The following DNAJB5 variants were observed in gnomAD, a reference collection of about 807,000 sequenced individuals.
DNAJB5 encodes the protein dnaJ homolog subfamily B member 5.
DNAJB5 carries 12 observed loss-of-function variants against 32.6 expected under a neutral mutation model. The observed-to-expected ratio is 0.37, with a 90% confidence interval of 0.24 to 0.60. DNAJB5 has a LOEUF of 0.60. Ranked by LOEUF, DNAJB5 falls within the 20% of genes least tolerant of loss-of-function variation. The pLI, the probability that DNAJB5 is intolerant of heterozygous loss-of-function variation, is 0.71. For missense variants in DNAJB5, 358 were observed against 554.2 expected (o/e 0.65, Z 3.55); for synonymous variants, 188 against 212.9 (o/e 0.88, Z 1.02).
At position 34,990,176 on chromosome 9, in the gene DNAJB5, C is replaced by A; in HGVS notation, c.-132-323C>A. 1 of 1,121,950 alleles carries A rather than the reference C, an allele frequency of 8.9e-7. No individual in the cohort carries two copies. The allele number at this position is 1,121,950 out of a possible 1,614,324, so 69.5% of individuals were successfully genotyped here. The stretch of plus-strand genomic sequence containing the variant: ...CGAGCCCCCTCCCCTCCTCTCCTCG[C>A]CGCGCCTTTTGTCCCGGCCGAGCTC... On this transcript the variant is annotated intron_variant, in intron 1 of 4. Coordinates refer to ENST00000682809, the MANE Select transcript of DNAJB5 (RefSeq NM_001349723.3). The surrounding 1 kb of genome is among the most constrained non-coding windows in gnomAD (Gnocchi z 4.5).
intron 2 of DNAJB5, chr9:34,991,672 C>T (rs965950037): frequency 8.7e-6 from 2 of 231,144 alleles, no homozygotes; most frequent in African/African-American, 5.6e-5. Context: ...ACGGTTGCCC[C>T]CCCCCCCAAC....
intron 2 of DNAJB5, chr9:34,991,831 G>T: frequency 5.2e-6 from 1 of 191,148 alleles, no homozygotes; most frequent in Non-Finnish European, 1.1e-5. Context: ...AGAACCATGA[G>T]TCAACCCAGC....
chr9:34,995,131 C>T (rs1440773297), intron 3 of DNAJB5, among the ~76,000 whole-genome samples: 3 of 152,126 alleles, frequency 2.0e-5, no homozygotes, highest in Non-Finnish European at 4.4e-5. Context: ...GAAGAGGCAG[C>T]TGCCACAAGT....
intron 3 of DNAJB5, among the ~76,000 whole-genome samples, chr9:34,995,850 C>T (rs146664427): frequency 2.0e-5 from 3 of 152,304 alleles, no homozygotes; most frequent in East Asian, 3.9e-4. Context: ...CTGATGGCCC[C>T]TTGTCCTATA....
chr9:34,993,761 G>A lies in DNAJB5; in HGVS notation c.427+317G>A, dbSNP rs1239781226. Among the ~76,000 whole-genome samples, 1 of 152,154 alleles carries A rather than the reference G, an allele frequency of 6.6e-6. No homozygotes were observed. Among genetic ancestry groups the A allele is most frequent in the East Asian group, 1.9e-4 (1 of 5,202 alleles). On this transcript the variant is annotated intron_variant, in intron 3 of 4. Transcript: ENST00000682809. This position sits in a 1 kb window ranked among gnomAD's most constrained non-coding sequence, Gnocchi z 4.7. ...TGCCTGAAGTCTCCGCTGCTTCATT[G>A]GCTGATGAGGAAGGTTGGGGAGAGG...
intron 2 of DNAJB5, chr9:34,992,819 C>T (rs1164553605): frequency 6.6e-6 from 7 of 1,054,636 alleles, no homozygotes; most frequent in South Asian, 3.3e-5. Context: ...TGACCTCACC[C>T]GTTACACTGA....
rs1434316810 is a variant in DNAJB5 at position 34,990,323 on chromosome 9, G to A, written c.-132-176G>A. The A allele has an allele frequency of 2.7e-6, 4 of 1,455,416 alleles. No individual in the cohort carries two copies. In the South Asian group the frequency reaches 3.6e-5, roughly 13 times the overall value. 90.2% of individuals were successfully genotyped at this position (1,455,416 alleles called of 1,614,324 possible). A position where few individuals can be genotyped will look rare whatever the true frequency, so the allele number is the denominator to read the frequency against. On this transcript the variant is annotated intron_variant, in intron 1 of 4. Transcript: ENST00000682809. The surrounding 1 kb of genome is among the most constrained non-coding windows in gnomAD (Gnocchi z 4.5). ...GCGACAGGAGCTCACTGCCTCTCGG[G>A]CCCTCACAATCACACCTGTCACAGG...
chr9:34,995,236 T>G (rs1223684927), intron 3 of DNAJB5, among the ~76,000 whole-genome samples: 1 of 152,168 alleles, frequency 6.6e-6, no homozygotes, highest in African/African-American at 2.4e-5. Flanking sequence ...CAGATCTCCA[T>G]GATCAGTTGA....
Position 34,989,808 on chromosome 9 carries a change from G to T in DNAJB5, c.-156G>T. 8.1e-7 allele frequency: 1 copy of T among 1,232,260 alleles called. No homozygotes were observed. Among genetic ancestry groups the T allele is most frequent in the Non-Finnish European group, 1.0e-6 (1 of 988,158 alleles). 76.3% of individuals were successfully genotyped at this position (1,232,260 alleles called of 1,614,324 possible). ...GGGCAGCGGCTGTCTCACGGACCAC[G>T]GCGGCGCCCGCAGCTCCTCACCGGT... is the stretch of plus-strand genomic sequence containing the variant. On this transcript the variant is annotated 5_prime_UTR_variant, in exon 1 of 5. Transcript: ENST00000682809.
rs1187259498 is a variant in DNAJB5, at chr9:34,996,908, T to TG, written c.1029+46dup. ...CTGTGTGTGTGTGCTGGGGAGATGGTGGGGACATTCCCTCTCTTCCCGCCA... is the reference window on the plus strand; with the variant it reads ...CTGTGTGTGTGTGCTGGGGAGATGGTGGGGGACATTCCCTCTCTTCCCGCCA... On this transcript the variant is annotated intron_variant, in intron 4 of 4. Coordinates refer to ENST00000682809, the MANE Select transcript of DNAJB5 (RefSeq NM_001349723.3). The surrounding 1 kb of genome is among the most constrained non-coding windows in gnomAD (Gnocchi z 7.2). 5.0e-6 allele frequency: 8 copies of TG among 1,587,192 alleles called. No individual in the cohort carries two copies. Among genetic ancestry groups the TG allele is most frequent in the South Asian group, 1.1e-5 (1 of 87,362 alleles).
chr9:34,993,541 G>A lies in DNAJB5; in HGVS notation c.427+97G>A. The stretch of plus-strand genomic sequence containing the variant: ...GTAGCGGGGAACTGGAGGCTGTGGA[G>A]GGGGTGAGGGCAGCAAGGGTTTCCA... On this transcript the variant is annotated intron_variant, in intron 3 of 4. Coordinates refer to ENST00000682809, the MANE Select transcript of DNAJB5 (RefSeq NM_001349723.3). This position sits in a 1 kb window ranked among gnomAD's most constrained non-coding sequence, Gnocchi z 4.7. 6.7e-7 allele frequency: 1 copy of A among 1,492,130 alleles called. No individual in the cohort carries two copies. The highest frequency in any genetic ancestry group is 1.3e-5 in the South Asian group (1 of 74,208). The allele number at this position is 1,492,130 out of a possible 1,614,324, so 92.4% of individuals were successfully genotyped here.
Position 34,997,590 on chromosome 9 carries a change from T to G in DNAJB5, c.*331T>G. The stretch of plus-strand genomic sequence containing the variant: ...GAGATTCCTTATCCATGCCTGTACA[T>G]AGCATGTCCTCCTCCCCTCAGCTTT... On this transcript the variant is annotated 3_prime_UTR_variant, in exon 5 of 5. Transcript: ENST00000682809. The surrounding 1 kb of genome is among the most constrained non-coding windows in gnomAD (Gnocchi z 4.1). 1 of 415,044 alleles carries G rather than the reference T, an allele frequency of 2.4e-6. No homozygotes were observed. The highest frequency in any genetic ancestry group is 4.6e-6 in the Non-Finnish European group (1 of 217,958). The allele number at this position is 415,044 out of a possible 1,614,324, so 25.7% of individuals were successfully genotyped here. A position where few individuals can be genotyped will look rare whatever the true frequency, so the allele number is the denominator to read the frequency against.
Position 34,993,078 on chromosome 9 carries a change from C to T in DNAJB5, c.183-122C>T. 1 of 1,451,366 alleles carries T rather than the reference C, an allele frequency of 6.9e-7. No individual in the cohort carries two copies. Among genetic ancestry groups the T allele is most frequent in the Admixed American group, 2.8e-5 (1 of 35,346 alleles). 89.9% of individuals were successfully genotyped at this position (1,451,366 alleles called of 1,614,324 possible). ...ATTTTACAGATGGGGGGACGCAGGCCCACAGAACAGGCATGACCTGCTGAA... is the reference window on the plus strand; with the variant it reads ...ATTTTACAGATGGGGGGACGCAGGCTCACAGAACAGGCATGACCTGCTGAA... On this transcript the variant is annotated intron_variant, in intron 2 of 4. Transcript: ENST00000682809. This position sits in a 1 kb window ranked among gnomAD's most constrained non-coding sequence, Gnocchi z 4.7.
Position 34,993,349 on chromosome 9 carries a change from C to A in DNAJB5, c.332C>A (p.Pro111His), listed in dbSNP as rs575787172. The change falls in exon 3 of 5, where the codon CCC becomes CAC. Residue 111 changes from proline (P) to histidine (H), a missense_variant. By Grantham distance (77) the Pro-to-His change is moderately conservative. Transcript: ENST00000682809. The surrounding 1 kb of genome is among the most constrained non-coding windows in gnomAD (Gnocchi z 4.7). ...TACCACCCAGACAAGAATAAAGAAC[C>A]CAACGCTGAGGAGAAGTTTAAGGAG... ...LKYHPDKNKE[P>H]NAEEKFKEIA... 2.5e-6 allele frequency: 4 copies of A among 1,613,962 alleles called. No homozygotes were observed. The highest frequency in any genetic ancestry group is 3.4e-6 in the Non-Finnish European group (4 of 1,180,032).
At position 34,993,376 on chromosome 9, in the gene DNAJB5, T is replaced by C. The variant is rs756113238; in HGVS notation, c.359T>C (p.Ile120Thr). Reference sequence around the variant, plus strand: ...AACGCTGAGGAGAAGTTTAAGGAGATTGCAGAGGCCTATGATGTGCTAAGT... The same window carrying C: ...AACGCTGAGGAGAAGTTTAAGGAGACTGCAGAGGCCTATGATGTGCTAAGT... The part of the protein sequence containing the change: ...EPNAEEKFKE[I>T]AEAYDVLSDP... The change falls in exon 3 of 5, where the codon ATT (isoleucine) becomes ACT (threonine). Residue 120 changes from isoleucine to threonine, a missense_variant. Coordinates refer to ENST00000682809, the MANE Select transcript of DNAJB5 (RefSeq NM_001349723.3). This position sits in a 1 kb window ranked among gnomAD's most constrained non-coding sequence, Gnocchi z 4.7. 1 of 1,613,862 alleles carries C rather than the reference T, an allele frequency of 6.2e-7. No individual in the cohort carries two copies. Among genetic ancestry groups the C allele is most frequent in the African/African-American group, 1.3e-5 (1 of 74,910 alleles).
At position 34,990,746 on chromosome 9, in the gene DNAJB5, T is replaced by C. The variant is rs1466209832; in HGVS notation, c.116T>C (p.Met39Thr). 6.4e-7 allele frequency: 1 copy of C among 1,551,744 alleles called. No homozygotes were observed. Among genetic ancestry groups the C allele is most frequent in the Non-Finnish European group, 8.7e-7 (1 of 1,147,000 alleles). The change falls in exon 2 of 5, where the codon ATG becomes ACG. Residue 39 changes from methionine (M) to threonine (T), a missense_variant. This residue lies in a region of DNAJB5 where 110 missense variants were observed against 111.7 expected (regional missense o/e 0.99). Transcript: ENST00000682809. The surrounding 1 kb of genome is among the most constrained non-coding windows in gnomAD (Gnocchi z 4.5). ...SWGEDFLASL[M>T]FKIQLEPLKL... ...GGAGAAGACTTCTTAGCCAGCTTGA[T>C]GTTTAAAATTCAGCTGGAGCCCTTA...
rs1318312730 is a variant in DNAJB5 at position 34,996,332 on chromosome 9, C to T, written c.495C>T (p.Asp165=). ...CCTTTCACTACACCTTTCATGGGGA[C>T]CCCCATGCCACCTTTGCCTCCTTCT... The part of the protein sequence containing the change: ...SGSFHYTFHG[D]PHATFASFFG... Residue 165 remains aspartate (D), a synonymous_variant, in exon 4 of 5, where the codon GAC becomes GAT. Transcript: ENST00000682809. The surrounding 1 kb of genome is among the most constrained non-coding windows in gnomAD (Gnocchi z 7.2). The T allele has an allele frequency of 1.9e-6, 3 of 1,614,134 alleles. No individual in the cohort carries two copies. The highest frequency in any genetic ancestry group is 1.6e-4 in the Middle Eastern group (1 of 6,062).
At chr9:34,991,668 G>GCCC (rs558122735) in intron 2 of DNAJB5, 7,032 of 71,508 alleles carry the variant, frequency 0.098, 468 homozygotes, top group Admixed American at 0.14. Flanking sequence ...GAAAACGGTT[G>GCCC]CCCCCCCCCC....
At chr9:34,991,668 G>GGC (rs1554662702) in intron 2 of DNAJB5, 3 of 72,398 alleles carry the variant, frequency 4.1e-5, no homozygotes, top group Non-Finnish European at 8.8e-5. Flanking sequence ...GAAAACGGTT[G>GGC]CCCCCCCCCC....
Sources: allele counts gnomAD v4.1 joint callset (sites outside exome capture counted in the v4.1 genomes callset), GRCh38; gene constraint gnomAD v4.1.1; regional missense constraint gnomAD v4.1.1; non-coding constraint Gnocchi (gnomAD v3.1); transcripts MANE v1.5; gene names NCBI Gene and HGNC (gene_info 2026-07-23, HGNC 2026-07-21).